The following ST6GALNAC5 variants were observed in gnomAD, a reference collection of about 807,000 sequenced individuals.
ST6GALNAC5 encodes ST6 N-acetylgalactosaminide alpha-2,6-sialyltransferase 5.
Under a neutral mutation model 33.6 loss-of-function variants are expected in ST6GALNAC5, and 27 were observed. The ratio of observed to expected loss-of-function variants is 0.80; its 90% CI spans 0.59 to 1.11. ST6GALNAC5 has a LOEUF of 1.11. Ranked by LOEUF, ST6GALNAC5 falls within the 50% of genes least tolerant of loss-of-function variation. The pLI is 0.00. For synonymous variants in ST6GALNAC5, 194 were observed against 171.2 expected, an observed-to-expected ratio of 1.13 and a Z score of -1.04; for missense variants, 428 against 454.0, an observed-to-expected ratio of 0.94 and a Z score of 0.52.
At chr1:77,026,965 C>A (rs542033602) in intron 2 of ST6GALNAC5, among the ~76,000 whole-genome samples, 26 of 152,202 alleles carry the variant, frequency 1.7e-4, no homozygotes, top group Non-Finnish European at 1.6e-4. Flanking sequence ...GGGTCATCAG[C>A]AGTCCAAGAA....
chr1:76,969,270 G>T (rs1210981216), intron 2 of ST6GALNAC5, among the ~76,000 whole-genome samples: 2 of 152,252 alleles, frequency 1.3e-5, no homozygotes, highest in East Asian at 3.9e-4. Context: ...CCTAACCAAG[G>T]GAATCCGTAC....
intron 2 of ST6GALNAC5, among the ~76,000 whole-genome samples, chr1:76,921,408 C>CA (rs1373471099): frequency 2.0e-5 from 3 of 151,624 alleles, no homozygotes; most frequent in South Asian, 2.1e-4. Flanking sequence ...ATCAATGAAA[C>CA]AAAAAAATGA....
chr1:76,992,172 T>C (rs1006075455), intron 2 of ST6GALNAC5, among the ~76,000 whole-genome samples: 1 of 152,168 alleles, frequency 6.6e-6, no homozygotes, highest in Admixed American at 6.5e-5. Flanking sequence ...TCTTCCCTGC[T>C]TGGAACTGTA....
intron 2 of ST6GALNAC5, among the ~76,000 whole-genome samples, chr1:76,892,697 A>G (rs1474212859): frequency 2.0e-5 from 3 of 152,246 alleles, no homozygotes; most frequent in African/African-American, 7.2e-5. Context: ...ATTGATATAG[A>G]GGAAATTTGG....
intron 2 of ST6GALNAC5, among the ~76,000 whole-genome samples, chr1:76,876,865 G>A (rs549815813): frequency 6.6e-6 from 1 of 152,246 alleles, no homozygotes; most frequent in Admixed American, 6.5e-5. Context: ...TGATCATAGG[G>A]AACTCCCCAT....
intron 2 of ST6GALNAC5, among the ~76,000 whole-genome samples, chr1:76,910,385 T>G (rs1489011037): frequency 1.3e-5 from 2 of 152,080 alleles, no homozygotes; most frequent in Non-Finnish European, 2.9e-5. Flanking sequence ...TTTTTAATCT[T>G]TGAAAAAAAT....
At chr1:76,940,914 C>G (rs936084002) in intron 2 of ST6GALNAC5, among the ~76,000 whole-genome samples, 20 of 152,034 alleles carry the variant, frequency 1.3e-4, no homozygotes, top group African/African-American at 4.8e-4. Context: ...GACTGATAGT[C>G]ATAACTGGTT....
At chr1:76,937,945 T>C (rs1647232414) in intron 2 of ST6GALNAC5, among the ~76,000 whole-genome samples, 1 of 152,022 alleles carries the variant, frequency 6.6e-6, no homozygotes, top group South Asian at 2.1e-4. Context: ...CACGTATGTT[T>C]CCTGTCGGAT....
chr1:76,923,656 G>C (rs771666249), intron 2 of ST6GALNAC5, among the ~76,000 whole-genome samples: 1 of 151,950 alleles, frequency 6.6e-6, no homozygotes. Context: ...TTACACCGCT[G>C]CACTCCAGCC....
intron 2 of ST6GALNAC5, among the ~76,000 whole-genome samples, chr1:76,886,306 T>C (rs985307630): frequency 3.9e-5 from 6 of 151,954 alleles, no homozygotes; most frequent in Non-Finnish European, 8.8e-5. Flanking sequence ...TCTTAGTTCC[T>C]TTTTTTTGTA....
intron 2 of ST6GALNAC5, among the ~76,000 whole-genome samples, chr1:76,943,691 T>C (rs1175021168): frequency 6.6e-6 from 1 of 152,082 alleles, no homozygotes; most frequent in Non-Finnish European, 1.5e-5. Flanking sequence ...AGTGTAGGAA[T>C]GAAGCTATCT....
At chr1:76,999,172 G>A (rs1650047813) in intron 2 of ST6GALNAC5, among the ~76,000 whole-genome samples, 2 of 152,168 alleles carry the variant, frequency 1.3e-5, no homozygotes, top group Non-Finnish European at 2.9e-5. Context: ...TGGAATAGGG[G>A]ACAGTAAGGG....
chr1:76,985,092 T>C (rs748575545), intron 2 of ST6GALNAC5, among the ~76,000 whole-genome samples: 3 of 152,202 alleles, frequency 2.0e-5, no homozygotes, highest in Non-Finnish European at 4.4e-5. Context: ...GCATTCGCTT[T>C]GAAAACCAGC....
chr1:76,970,172 CA>C (rs1283094307), intron 2 of ST6GALNAC5, among the ~76,000 whole-genome samples: 1 of 152,018 alleles, frequency 6.6e-6, no homozygotes, highest in Admixed American at 6.6e-5. Context: ...AGCCCCTCGC[CA>C]GCAACAGAAC....
At chr1:77,031,162 CA>C (rs1456383308) in intron 2 of ST6GALNAC5, among the ~76,000 whole-genome samples, 1 of 152,194 alleles carries the variant, frequency 6.6e-6, no homozygotes, top group Non-Finnish European at 1.5e-5. Flanking sequence ...AGCTAATGTC[CA>C]TCAATGATTA....
At chr1:76,966,854 T>C (rs1276566714) in intron 2 of ST6GALNAC5, among the ~76,000 whole-genome samples, 1 of 152,214 alleles carries the variant, frequency 6.6e-6, no homozygotes, top group Non-Finnish European at 1.5e-5. Flanking sequence ...ATTGAGACAA[T>C]CATGTGGTTT....
At chr1:76,972,174 A>G (rs1648785295) in intron 2 of ST6GALNAC5, among the ~76,000 whole-genome samples, 1 of 152,206 alleles carries the variant, frequency 6.6e-6, no homozygotes, top group South Asian at 2.1e-4. Flanking sequence ...AAGGAGGAGC[A>G]AAGTCACATC....
intron 2 of ST6GALNAC5, among the ~76,000 whole-genome samples, chr1:77,014,517 T>A (rs1650752185): frequency 6.6e-6 from 1 of 152,222 alleles, no homozygotes; most frequent in Admixed American, 6.5e-5. Flanking sequence ...GCAGTGAATT[T>A]TATGACAGTA....
intron 2 of ST6GALNAC5, among the ~76,000 whole-genome samples, chr1:76,924,326 A>G (rs956022873): frequency 6.6e-6 from 1 of 152,138 alleles, no homozygotes; most frequent in African/African-American, 2.4e-5. Context: ...GAGAAGATTA[A>G]TTTGACTTAA....
Sources: gnomAD v4.1 joint callset for allele counts (sites outside exome capture counted in the v4.1 genomes callset) on GRCh38, gnomAD v4.1.1 for gene constraint, MANE v1.5 for transcripts, NCBI Gene and HGNC (gene_info 2026-07-23, HGNC 2026-07-21) for gene names.